Variants in ADGRB3 observed in about 807,000 individuals in gnomAD.
ADGRB3 encodes brain-specific angiogenesis inhibitor 3.
Under a neutral mutation model 193.4 loss-of-function variants are expected in ADGRB3, and 37 were observed. The observed-to-expected ratio is 0.19, with a 90% CI of 0.15 to 0.25. ADGRB3 has a LOEUF of 0.25. Among genes scored for constraint, ADGRB3 ranks in the 10% least tolerant of loss-of-function variants. The pLI, the probability that ADGRB3 is intolerant of heterozygous loss-of-function variation, is 1.00. For missense variants in ADGRB3, 1,637 were observed against 1,852.9 expected (o/e 0.88, Z 2.14); for synonymous variants, 690 against 644.2 (o/e 1.07, Z -1.08).
chr6:68,797,133 C>T (rs1182344636), intron 3 of ADGRB3, among the ~76,000 whole-genome samples: 1 of 152,032 alleles, frequency 6.6e-6, no homozygotes, highest in Non-Finnish European at 1.5e-5. Flanking sequence ...TTTTTCATCC[C>T]TGTATTCATT....
At chr6:69,056,027 C>T (rs982999794) in intron 15 of ADGRB3, among the ~76,000 whole-genome samples, 17 of 151,974 alleles carry the variant, frequency 1.1e-4, no homozygotes, top group African/African-American at 3.9e-4. Context: ...GATGAGATTT[C>T]CCCATGTTGG....
chr6:68,671,033 T>A (rs1377727494), intron 3 of ADGRB3, among the ~76,000 whole-genome samples: 1 of 151,980 alleles, frequency 6.6e-6, no homozygotes, highest in African/African-American at 2.4e-5. Flanking sequence ...GTAAATGGGA[T>A]TACTTTTTAA....
At chr6:68,795,959 G>A (rs934114234) in intron 3 of ADGRB3, among the ~76,000 whole-genome samples, 3 of 151,944 alleles carry the variant, frequency 2.0e-5, no homozygotes, top group Non-Finnish European at 2.9e-5. Flanking sequence ...TCTTAGACTC[G>A]TAAAATTTCA....
chr6:68,911,880 T>G (rs998288326), intron 3 of ADGRB3, among the ~76,000 whole-genome samples: 2 of 138,572 alleles, frequency 1.4e-5, no homozygotes, highest in Non-Finnish European at 1.5e-5. Context: ...GTTGTTTCTG[T>G]TTTTTTTTTT....
intron 27 of ADGRB3, 126 bp downstream of exon 27, chr6:69,354,454 G>T: frequency 2.7e-6 from 2 of 736,366 alleles, no homozygotes; most frequent in South Asian, 1.7e-5. Flanking sequence ...TTCATTAATA[G>T]ACTGTGAACT....
intron 10 of ADGRB3, among the ~76,000 whole-genome samples, chr6:68,988,684 A>G (rs556206738): frequency 3.0e-4 from 45 of 152,292 alleles, no homozygotes; most frequent in African/African-American, 1.0e-3. Flanking sequence ...TAGATCATAC[A>G]TAAGCCTTGG....
chr6:69,197,436 A>T (rs1038974702), intron 17 of ADGRB3, among the ~76,000 whole-genome samples: 3 of 151,818 alleles, frequency 2.0e-5, no homozygotes, highest in Non-Finnish European at 4.4e-5. Flanking sequence ...ACATTGTTGA[A>T]TTTTTAAGTT....
At chr6:69,146,774 T>C (rs1327423641) in intron 17 of ADGRB3, among the ~76,000 whole-genome samples, 1 of 152,050 alleles carries the variant, frequency 6.6e-6, no homozygotes, top group Non-Finnish European at 1.5e-5. Context: ...AGTCCTGGGC[T>C]TTTTATTGCT....
At chr6:68,797,919 T>C (rs1767241443) in intron 3 of ADGRB3, among the ~76,000 whole-genome samples, 1 of 152,190 alleles carries the variant, frequency 6.6e-6, no homozygotes, top group Non-Finnish European at 1.5e-5. Flanking sequence ...AGTATTTCAG[T>C]TTGACTCGTT....
At chr6:69,145,270 G>A (rs377678411) in intron 17 of ADGRB3, among the ~76,000 whole-genome samples, 10 of 152,128 alleles carry the variant, frequency 6.6e-5, no homozygotes, top group Admixed American at 2.0e-4. Context: ...TGTTGGCTGC[G>A]GTAGGGTGGG....
intron 17 of ADGRB3, among the ~76,000 whole-genome samples, chr6:69,186,392 A>G (rs1220139738): frequency 1.3e-5 from 2 of 152,026 alleles, no homozygotes; most frequent in African/African-American, 4.8e-5. Context: ...AGAAATATAT[A>G]ATTCATTGCA....
chr6:68,738,072 A>G lies in ADGRB3; in HGVS notation c.757+98640A>G, dbSNP rs1765906244. On this transcript the variant is annotated intron_variant, in intron 3 of 31. Coordinates refer to ENST00000370598, the MANE Select transcript of ADGRB3 (RefSeq NM_001704.3). ...ACCTTACTAAGAAGAAATTGAGAGC[A>G]AAGATCTGAAAGGGAATAAGGATGA... Among the ~76,000 whole-genome samples, 6 of 152,214 alleles carry G rather than the reference A, an allele frequency of 3.9e-5. No homozygotes were observed. The South Asian group carries it at 1.2e-3, about 32-fold the overall frequency.
At chr6:69,299,360 C>T (rs1397929757) in intron 20 of ADGRB3, among the ~76,000 whole-genome samples, 1 of 151,804 alleles carries the variant, frequency 6.6e-6, no homozygotes, top group Non-Finnish European at 1.5e-5. Flanking sequence ...GGAGCTGTCT[C>T]TTCACTTTGT....
chr6:68,762,882 T>C (rs747178776), intron 3 of ADGRB3, among the ~76,000 whole-genome samples: 55 of 152,188 alleles, frequency 3.6e-4, no homozygotes, highest in Non-Finnish European at 5.7e-4. Context: ...CATTACTCTG[T>C]AAACTTCAAG....
In ADGRB3 at chr6:69,324,935, T is replaced by G. The variant is rs1459861231; in HGVS notation, c.2878T>G (p.Leu960Val). 1.2e-6 allele frequency: 2 copies of G among 1,614,028 alleles called. No homozygotes were observed. Among genetic ancestry groups the G allele is most frequent in the Admixed American group, 1.7e-5 (1 of 60,012 alleles). ...FFFLASFCWV[L>V]TEAWQSYMAV... is the part of the protein sequence containing the mutation. ...CTTCCTGGCTTCATTCTGTTGGGTT[T>G]TGACTGAGGCGTGGCAATCATATAT... The change falls in exon 21 of 32, where the codon TTG (leucine) becomes GTG (valine). Residue 960 changes from leucine (L) to valine (V), a missense_variant. Leu to Val is a conservative substitution (Grantham distance 32, BLOSUM62 1). This residue lies in a region of ADGRB3 where 87 missense variants were observed against 161.0 expected (regional missense o/e 0.54). Coordinates refer to ENST00000370598, the MANE Select transcript of ADGRB3 (RefSeq NM_001704.3).
chr6:68,772,888 A>AC (rs1554191345), intron 3 of ADGRB3, among the ~76,000 whole-genome samples: 2,973 of 51,916 alleles, frequency 0.057, 195 homozygotes, highest in African/African-American at 0.19. Flanking sequence ...CAAACAAAAA[A>AC]AAAAAAATAT....
chr6:69,292,148 C>G (rs1767699819), intron 20 of ADGRB3, among the ~76,000 whole-genome samples: 1 of 152,180 alleles, frequency 6.6e-6, no homozygotes, highest in Admixed American at 6.5e-5. Flanking sequence ...CTTATGAAGA[C>G]TCCCATGTCT....
chr6:68,933,617 A>C (rs192306099), intron 4 of ADGRB3, among the ~76,000 whole-genome samples: 12 of 152,200 alleles, frequency 7.9e-5, no homozygotes, highest in African/African-American at 2.9e-4. Flanking sequence ...TGAATAAATA[A>C]ATAAAATTAA....
At chr6:68,741,918 G>A (rs531624071) in intron 3 of ADGRB3, among the ~76,000 whole-genome samples, 106 of 152,216 alleles carry the variant, frequency 7.0e-4, no homozygotes, top group Middle Eastern at 3.4e-3. Context: ...TCATTCACGA[G>A]TTCACATGTT....
Sources: gnomAD v4.1 joint callset for allele counts (sites outside exome capture counted in the v4.1 genomes callset) on GRCh38, gnomAD v4.1.1 for gene constraint, gnomAD v4.1.1 regional missense constraint, MANE v1.5 for transcripts, NCBI Gene and HGNC (gene_info 2026-07-23, HGNC 2026-07-21) for gene names.